TENM3: variants seen among roughly 807,000 people sequenced by gnomAD.
The protein encoded by TENM3 is teneurin transmembrane protein 3.
In TENM3, 63 loss-of-function variants were observed where a neutral mutation model predicts 255.1. The ratio of observed to expected loss-of-function variants is 0.25; its 90% CI spans 0.20 to 0.30. The LOEUF (loss-of-function observed/expected upper bound fraction) is 0.30. TENM3 is among the 10% of genes least tolerant of loss of function. The pLI, the probability that TENM3 is intolerant of heterozygous loss-of-function variation, is 1.00. For missense variants in TENM3, 2,929 were observed against 3,461.1 expected (o/e 0.85, Z 3.86); for synonymous variants, 1,306 against 1,322.3 (o/e 0.99, Z 0.27).
At chr4:182,446,144 T>G (rs905924577) in intron 3 of TENM3, among the ~76,000 whole-genome samples, 16 of 152,230 alleles carry the variant, frequency 1.1e-4, no homozygotes, top group African/African-American at 3.9e-4. Context: ...TTCCTCTGCC[T>G]TTGCCCCATG....
chr4:181,885,550 C>G, the TENM3 span, among the ~76,000 whole-genome samples: 261 of 152,168 alleles, frequency 1.7e-3, 3 homozygotes, highest in African/African-American at 6.0e-3. Flanking sequence ...GGTGAGCCAC[C>G]GCGCCTGGCC....
At chr4:182,790,448 C>T (rs1401396868) in intron 25 of TENM3, among the ~76,000 whole-genome samples, 1 of 152,202 alleles carries the variant, frequency 6.6e-6, no homozygotes, top group African/African-American at 2.4e-5. Context: ...CCCCTGAACC[C>T]TGAGCCATCC....
At chr4:182,627,526 C>T (rs1750932711) in intron 4 of TENM3, among the ~76,000 whole-genome samples, 1 of 110,322 alleles carries the variant, frequency 9.1e-6, no homozygotes, top group Admixed American at 9.7e-5. Flanking sequence ...TGCATAAAGA[C>T]TGTACCATAT....
the TENM3 span, among the ~76,000 whole-genome samples, chr4:182,058,560 A>G: frequency 1.2e-5 from 1 of 86,312 alleles, no homozygotes; most frequent in Non-Finnish European, 2.2e-5. Context: ...GTTCACTAGC[A>G]AATGTGCTTT....
chr4:182,293,199 A>G (rs952839074), intron 1 of TENM3, among the ~76,000 whole-genome samples: 3 of 152,214 alleles, frequency 2.0e-5, no homozygotes, highest in African/African-American at 4.8e-5. Flanking sequence ...AGTGGAGTCC[A>G]TAGTCAGGGC....
intron 1 of TENM3, among the ~76,000 whole-genome samples, chr4:182,249,613 GA>G (rs1407319562): frequency 1.3e-5 from 2 of 152,178 alleles, no homozygotes; most frequent in Non-Finnish European, 2.9e-5. Flanking sequence ...AATGGGGTGG[GA>G]AATGTACGTC....
chr4:181,574,096 G>A, the TENM3 span, among the ~76,000 whole-genome samples: 1 of 152,200 alleles, frequency 6.6e-6, no homozygotes, highest in Admixed American at 6.5e-5. Context: ...GAAATACACA[G>A]TGAGCAGTTC....
chr4:182,464,236 A>G (rs921075936), intron 3 of TENM3, among the ~76,000 whole-genome samples: 1 of 152,146 alleles, frequency 6.6e-6, no homozygotes, highest in Non-Finnish European at 1.5e-5. Flanking sequence ...ATAACTTATC[A>G]GATTTAACAT....
the TENM3 span, among the ~76,000 whole-genome samples, chr4:181,891,311 G>T: frequency 6.6e-6 from 1 of 152,110 alleles, no homozygotes; most frequent in Non-Finnish European, 1.5e-5. Context: ...GTCATCTTAA[G>T]AAACTAACAT....
At chr4:182,451,879 T>C (rs1039057005) in intron 3 of TENM3, among the ~76,000 whole-genome samples, 4 of 152,206 alleles carry the variant, frequency 2.6e-5, no homozygotes, top group African/African-American at 4.8e-5. Flanking sequence ...AGGCTTTACT[T>C]TAAACAATTG....
intron 22 of TENM3, among the ~76,000 whole-genome samples, chr4:182,766,689 G>T (rs1464129234): frequency 6.6e-6 from 1 of 152,108 alleles, no homozygotes; most frequent in African/African-American, 2.4e-5. Flanking sequence ...AGTGGGGGAG[G>T]CTCTGCCCTT....
chr4:182,669,720 A>T (rs1427414770), intron 6 of TENM3, among the ~76,000 whole-genome samples: 1 of 152,222 alleles, frequency 6.6e-6, no homozygotes, highest in Non-Finnish European at 1.5e-5. Context: ...AAAACTTAGT[A>T]ATTTAAAATA....
At chr4:182,050,720 C>A in the TENM3 span, among the ~76,000 whole-genome samples, 1 of 152,136 alleles carries the variant, frequency 6.6e-6, no homozygotes, top group Admixed American at 6.5e-5. Context: ...GGGAGAATCT[C>A]TTGAGCCCCA....
the TENM3 span, among the ~76,000 whole-genome samples, chr4:181,692,681 C>G: frequency 2.0e-3 from 302 of 152,162 alleles, 9 homozygotes; most frequent in East Asian, 0.054. Flanking sequence ...GAGAGTAATA[C>G]CAAAGAGCCT....
intron 3 of TENM3, among the ~76,000 whole-genome samples, chr4:182,486,571 G>A (rs1290335412): frequency 6.6e-6 from 1 of 152,044 alleles, no homozygotes; most frequent in East Asian, 1.9e-4. Flanking sequence ...GAATTAAGCT[G>A]ATCAAAGTAA....
At chr4:181,544,426 A>AAAAAAAAAC in the TENM3 span, among the ~76,000 whole-genome samples, 3 of 146,994 alleles carry the variant, frequency 2.0e-5, no homozygotes, top group Admixed American at 1.4e-4. Context: ...AAAAAAAAAA[A>AAAAAAAAAC]AAAAAAAAAA....
intron 12 of TENM3, among the ~76,000 whole-genome samples, chr4:182,688,560 T>C (rs1423657549): frequency 1.3e-5 from 2 of 152,246 alleles, no homozygotes; most frequent in Non-Finnish European, 2.9e-5. Context: ...AGCTATAAAC[T>C]TTTTTATTCA....
the TENM3 span, among the ~76,000 whole-genome samples, chr4:181,802,688 A>G: frequency 2.6e-5 from 4 of 152,106 alleles, no homozygotes; most frequent in African/African-American, 9.7e-5. Context: ...TCGTCTTTCA[A>G]ATTTAATTAT....
intron 1 of TENM3, among the ~76,000 whole-genome samples, chr4:182,214,310 A>G (rs1254386424): frequency 2.6e-5 from 4 of 152,180 alleles, no homozygotes; most frequent in African/African-American, 9.6e-5. Context: ...ATTTAACTGT[A>G]ACATAACTGA....
Sources: gnomAD v4.1 joint callset for allele counts (sites outside exome capture counted in the v4.1 genomes callset) on GRCh38, gnomAD v4.1.1 for gene constraint, MANE v1.5 for transcripts, NCBI Gene and HGNC (gene_info 2026-07-23, HGNC 2026-07-21) for gene names.